The following NLRP5 variants were observed in gnomAD, a reference collection of about 807,000 sequenced individuals.
The protein encoded by NLRP5 is NACHT, LRR and PYD domains-containing protein 5.
Under a neutral mutation model 113.1 loss-of-function variants are expected in NLRP5, and 93 were observed. The observed-to-expected ratio is 0.82, with a 90% CI of 0.70 to 0.98. NLRP5 has a LOEUF of 0.98. Ranked by LOEUF, NLRP5 falls within the 50% of genes least tolerant of loss-of-function variation. The pLI is 0.00. For missense variants in NLRP5, 1,808 were observed against 1,514.3 expected (o/e 1.19, Z -3.22); for synonymous variants, 751 against 600.7 (o/e 1.25, Z -3.66).
intron 10 of NLRP5, among the ~76,000 whole-genome samples, chr19:56,040,270 A>C (rs1030731080): frequency 6.6e-6 from 1 of 152,044 alleles, no homozygotes; most frequent in Non-Finnish European, 1.5e-5. Context: ...AAATTGGAAA[A>C]ATTGGCCCAG....
intron 10 of NLRP5, among the ~76,000 whole-genome samples, chr19:56,039,739 C>T (rs966870381): frequency 3.3e-5 from 5 of 152,046 alleles, no homozygotes; most frequent in African/African-American, 1.2e-4. Flanking sequence ...TGGTGAAACC[C>T]CATCTCTACT....
upstream of NLRP5, among the ~76,000 whole-genome samples, chr19:55,998,390 A>T (rs1364415921): frequency 1.3e-5 from 2 of 152,158 alleles, no homozygotes; most frequent in South Asian, 4.1e-4. Context: ...GTGGTGGCTC[A>T]CGCCTGTAAT....
chr19:56,060,845 A>T (rs192291664), intron 14 of NLRP5, among the ~76,000 whole-genome samples: 1 of 152,244 alleles, frequency 6.6e-6, no homozygotes, highest in East Asian at 1.9e-4. Context: ...CGGGGGAAAA[A>T]AGCCCTATAT....
upstream of NLRP5, among the ~76,000 whole-genome samples, chr19:55,996,583 G>A (rs55676021): frequency 0.1 from 15,680 of 152,052 alleles, 866 homozygotes; most frequent in Middle Eastern, 0.15. Context: ...GAGAACATGT[G>A]GTGTTTGGTT....
intron 11 of NLRP5, 82 bp from the exon 12 acceptor site, chr19:56,050,336 C>A: frequency 7.5e-7 from 1 of 1,342,148 alleles, no homozygotes; most frequent in Non-Finnish European, 1.0e-6. Flanking sequence ...CAGACTGCAG[C>A]TGGGAGGAGA....
At position 56,043,066 on chromosome 19, in the gene NLRP5, T is replaced by C. The variant is rs117365004; in HGVS notation, c.2957+1974T>C. Among the ~76,000 whole-genome samples the C allele has an allele frequency of 2.3e-3, 355 of 152,300 alleles. 11 individuals carry two copies. In the East Asian group the frequency reaches 0.064, roughly 28 times the overall value. On this transcript the variant is annotated intron_variant, in intron 11 of 14. Transcript: ENST00000390649. ...ATTGTCAGTTGTCCTGCTATAAATATATGGGTACAAGTATCTTTTTCGAAT... is the reference window on the plus strand; with the variant it reads ...ATTGTCAGTTGTCCTGCTATAAATACATGGGTACAAGTATCTTTTTCGAAT...
At position 56,061,518 on chromosome 19, in the gene NLRP5, G is replaced by A; in HGVS notation, c.3593G>A (p.Trp1198Ter). The A allele has an allele frequency of 1.2e-6, 2 of 1,613,952 alleles. No individual in the cohort carries two copies. The highest frequency in any genetic ancestry group is 1.7e-6 in the Non-Finnish European group (2 of 1,179,854). The change falls in exon 15 of 15, where the codon TGG becomes TAG. Residue 1198 changes from tryptophan to a stop codon, truncating the protein, a stop_gained. Transcript: ENST00000390649. LOFTEE classifies it high-confidence loss of function. The stretch of plus-strand genomic sequence containing the variant: ...TTTGATGAAGATGACCGGTACTGGT[G>A]GAAAAACTGAAGATACGGAAACCTG...
intron 10 of NLRP5, among the ~76,000 whole-genome samples, chr19:56,040,332 G>C (rs1367823017): frequency 6.6e-6 from 1 of 152,196 alleles, no homozygotes; most frequent in Non-Finnish European, 1.5e-5. Flanking sequence ...GAGGCAGGCA[G>C]ATCCCCTGAG....
chr19:56,045,996 T>A (rs1165934097), intron 11 of NLRP5, among the ~76,000 whole-genome samples: 1 of 152,196 alleles, frequency 6.6e-6, no homozygotes, highest in Non-Finnish European at 1.5e-5. Context: ...GGCTTGACCA[T>A]GGTGCATCCT....
upstream of NLRP5, among the ~76,000 whole-genome samples, chr19:55,999,258 A>T (rs372934094): frequency 1.4e-3 from 170 of 122,634 alleles, 1 homozygote; most frequent in African/African-American, 5.1e-3. Flanking sequence ...CTTGTTGCCC[A>T]AGCTGGAGTG....
At chr19:55,996,418 T>C (rs1981327025), upstream of NLRP5, among the ~76,000 whole-genome samples, 1 of 152,166 alleles carries the variant, frequency 6.6e-6, no homozygotes, top group South Asian at 2.1e-4. Flanking sequence ...TTGTTACATA[T>C]GTATACATGT....
intron 14 of NLRP5, among the ~76,000 whole-genome samples, chr19:56,060,835 CG>C (rs74179661): frequency 6.6e-6 from 1 of 151,802 alleles, no homozygotes; most frequent in Admixed American, 6.6e-5. Flanking sequence ...GGAGATTTGT[CG>C]GGGGAAAAAA....
intron 3 of NLRP5, among the ~76,000 whole-genome samples, chr19:56,009,480 G>T (rs541879356): frequency 6.6e-6 from 1 of 152,088 alleles, no homozygotes; most frequent in Non-Finnish European, 1.5e-5. Context: ...GGCTTTGGTG[G>T]AAAGAATCAG....
At chr19:55,986,847 C>T in the NLRP5 span, among the ~76,000 whole-genome samples, 2 of 152,182 alleles carry the variant, frequency 1.3e-5, no homozygotes, top group African/African-American at 4.8e-5. Flanking sequence ...GTCTTGCTCT[C>T]TGCCCTTCCC....
intron 1 of NLRP5, 93 bp from the exon 2 acceptor site, chr19:56,003,643 G>T (rs1017699827): frequency 1.8e-5 from 25 of 1,419,808 alleles, no homozygotes; most frequent in Non-Finnish European, 2.2e-5. Context: ...GAAAAGAGAA[G>T]GCCGTTCATC....
intron 7 of NLRP5, among the ~76,000 whole-genome samples, chr19:56,030,711 C>CTTATTTTTTTTTTTTTT (rs1251579019): frequency 2.1e-5 from 1 of 47,774 alleles, no homozygotes. Context: ...TCGCTTTCTT[C>CTTATTTTTTTTTTTTTT]TTCTTTTTTT....
At chr19:55,989,507 C>T in the NLRP5 span, among the ~76,000 whole-genome samples, 1 of 152,324 alleles carries the variant, frequency 6.6e-6, no homozygotes, top group African/African-American at 2.4e-5. Flanking sequence ...CCCACCTCAG[C>T]CTCCCAAAGT....
In NLRP5 at chr19:56,028,341, C is replaced by A; in HGVS notation, c.2108C>A (p.Ala703Glu). 1 of 1,613,982 alleles carries A rather than the reference C, an allele frequency of 6.2e-7. No individual in the cohort carries two copies. The highest frequency in any genetic ancestry group is 8.5e-7 in the Non-Finnish European group (1 of 1,179,890). ...CAAGACAAAGAGTTTGTTCGCTTGG[C>A]ATTAAACAGCTTCCAAGAAGTGTGG... Residue 703 changes from alanine to glutamate, a missense_variant, in exon 7 of 15, where the codon GCA becomes GAA. By Grantham distance (107) the Ala-to-Glu change is moderately radical. Coordinates refer to ENST00000390649, the MANE Select transcript of NLRP5 (RefSeq NM_153447.4).
chr19:56,029,075 C>T (rs980993989), intron 7 of NLRP5, among the ~76,000 whole-genome samples: 1 of 151,772 alleles, frequency 6.6e-6, no homozygotes. Flanking sequence ...AATGTGACCG[C>T]TCAGGTTTGT....
Sources: allele counts gnomAD v4.1 joint callset (sites outside exome capture counted in the v4.1 genomes callset), GRCh38; gene constraint gnomAD v4.1.1; transcripts MANE v1.5; gene names NCBI Gene and HGNC (gene_info 2026-07-23, HGNC 2026-07-21).